Variants in FOXJ3 observed in about 807,000 individuals in gnomAD.
FOXJ3 encodes forkhead box J3, also known as forkhead box protein J3.
FOXJ3 carries 22 observed loss-of-function variants against 76.1 expected under a neutral mutation model. The observed-to-expected ratio is 0.29, with a 90% confidence interval of 0.21 to 0.41. FOXJ3 has a LOEUF of 0.41. Among genes scored for constraint, FOXJ3 ranks in the 10% least tolerant of loss-of-function variants. FOXJ3 has a pLI of 1.00. For missense variants in FOXJ3, 613 were observed against 762.1 expected, an observed-to-expected ratio of 0.80 and a Z score of 2.30; for synonymous variants, 269 against 261.2, an observed-to-expected ratio of 1.03 and a Z score of -0.29.
chr1:42,260,692 A>T (rs1336293846), intron 4 of FOXJ3, among the ~76,000 whole-genome samples: 1 of 152,212 alleles, frequency 6.6e-6, no homozygotes, highest in Non-Finnish European at 1.5e-5. Context: ...AGAAAAAAAA[A>T]TCACAATCCT....
chr1:42,242,510 C>T (rs1173831360), intron 4 of FOXJ3, among the ~76,000 whole-genome samples: 2 of 147,690 alleles, frequency 1.4e-5, no homozygotes, highest in African/African-American at 5.0e-5. Flanking sequence ...CTAGATCAAG[C>T]AGAAAGAAGA....
At chr1:42,195,181 T>G in intron 7 of FOXJ3, 117 bp from the exon 8 acceptor site, 1 of 740,986 alleles carries the variant, frequency 1.3e-6, no homozygotes, top group Non-Finnish European at 2.1e-6. Context: ...AAATAACTCT[T>G]CTGTCTTAGG....
chr1:42,289,696 C>T (rs1006865501), intron 2 of FOXJ3, among the ~76,000 whole-genome samples: 2 of 152,122 alleles, frequency 1.3e-5, no homozygotes, highest in African/African-American at 4.8e-5. Context: ...TTCTCTGATA[C>T]GCAATCTGAC....
At chr1:42,335,338 G>C (rs973596050), upstream of FOXJ3, 2 of 152,150 alleles carry the variant, frequency 1.3e-5, no homozygotes, top group Admixed American at 6.5e-5. Context: ...CGCGGTCACG[G>C]TCGCTTCGAC....
At chr1:42,180,055 G>C (rs1306272047) in intron 12 of FOXJ3, among the ~76,000 whole-genome samples, 2 of 151,954 alleles carry the variant, frequency 1.3e-5, no homozygotes, top group South Asian at 2.1e-4. Context: ...ACAAAGATAG[G>C]ATCTGAGGTC....
At chr1:42,311,131 A>T in intron 1 of FOXJ3, 21 bp from the exon 2 acceptor site, 3 of 1,525,554 alleles carry the variant, frequency 2.0e-6, no homozygotes, top group Non-Finnish European at 2.7e-6. Context: ...AAGAAGAGTT[A>T]GTTATCAGAT....
intron 3 of FOXJ3, among the ~76,000 whole-genome samples, chr1:42,271,487 T>C (rs1651862056): frequency 6.6e-6 from 1 of 152,132 alleles, no homozygotes; most frequent in Admixed American, 6.5e-5. Context: ...TTCACAACAA[T>C]GACCAAACAC....
At chr1:42,204,441 T>C (rs1273441124) in intron 6 of FOXJ3, among the ~76,000 whole-genome samples, 1 of 152,142 alleles carries the variant, frequency 6.6e-6, no homozygotes, top group Non-Finnish European at 1.5e-5. Context: ...GGTCATAAAG[T>C]CCCATCATTA....
chr1:42,188,632 C>G (rs374350454), intron 11 of FOXJ3, 105 bp downstream of exon 11: 22 of 622,000 alleles, frequency 3.5e-5, no homozygotes, highest in African/African-American at 2.4e-4. Flanking sequence ...AATTTGTAAA[C>G]AGATCACTGT....
chr1:42,221,329 G>A (rs1647182007), intron 5 of FOXJ3, among the ~76,000 whole-genome samples: 1 of 152,136 alleles, frequency 6.6e-6, no homozygotes, highest in Non-Finnish European at 1.5e-5. Flanking sequence ...AATAACATTA[G>A]AAAATAGCCA....
chr1:42,255,214 C>T (rs1212603047), intron 4 of FOXJ3, among the ~76,000 whole-genome samples: 1 of 151,962 alleles, frequency 6.6e-6, no homozygotes, highest in Non-Finnish European at 1.5e-5. Flanking sequence ...ACTGTTGTAA[C>T]GTTAATACAT....
chr1:42,319,540 G>C (rs986002383), intron 1 of FOXJ3, among the ~76,000 whole-genome samples: 2 of 152,164 alleles, frequency 1.3e-5, no homozygotes, highest in Admixed American at 6.5e-5. Context: ...TATTAGGTAT[G>C]GAGTTTCTTT....
At chr1:42,231,557 A>G (rs1411451827) in intron 4 of FOXJ3, among the ~76,000 whole-genome samples, 3 of 152,218 alleles carry the variant, frequency 2.0e-5, no homozygotes, top group African/African-American at 7.2e-5. Context: ...GATGGTAATG[A>G]TAACTGCACA....
At chr1:42,217,918 G>C (rs1254342481) in intron 5 of FOXJ3, among the ~76,000 whole-genome samples, 1 of 152,088 alleles carries the variant, frequency 6.6e-6, no homozygotes, top group East Asian at 1.9e-4. Context: ...TCATCACAAT[G>C]ATCTCTTATG....
In FOXJ3 at chr1:42,227,959, T is replaced by C. The variant is rs1430868820; in HGVS notation, c.452A>G (p.Tyr151Cys). The change falls in exon 5 of 13, where the codon TAC (tyrosine) becomes TGC (cysteine). Residue 151 changes from tyrosine to cysteine, a missense_variant. Physicochemically the swap from Tyr to Cys is radical, Grantham distance 194 (BLOSUM62 -2). Around this residue, in one of 3 missense-constraint regions of FOXJ3, gnomAD observed 526 missense variants for 601.4 expected, o/e 0.87. Transcript: ENST00000361346. The part of the protein sequence containing the change: ...RSKDDPGKGS[Y>C]WAIDTNPKED... Reference sequence around the variant, plus strand: ...CTTCGGATTGGTGTCTATTGCCCAGTAGGACCCCTAGAGGTAAAGAAATTA... The same window carrying C: ...CTTCGGATTGGTGTCTATTGCCCAGCAGGACCCCTAGAGGTAAAGAAATTA... The C allele has an allele frequency of 1.3e-6, 2 of 1,541,838 alleles. No homozygotes were observed. Among genetic ancestry groups the C allele is most frequent in the East Asian group, 2.3e-5 (1 of 44,062 alleles).
chr1:42,217,231 T>C (rs1165340796), intron 5 of FOXJ3, among the ~76,000 whole-genome samples: 1 of 152,192 alleles, frequency 6.6e-6, no homozygotes, highest in Admixed American at 6.5e-5. Context: ...AAAATGGATT[T>C]AAAAATACTC....
At chr1:42,311,794 G>T (rs976040916) in intron 1 of FOXJ3, among the ~76,000 whole-genome samples, 3 of 152,090 alleles carry the variant, frequency 2.0e-5, no homozygotes, top group African/African-American at 7.2e-5. Flanking sequence ...ATGAACCTCA[G>T]TTTCTTCATC....
intron 4 of FOXJ3, among the ~76,000 whole-genome samples, chr1:42,228,943 C>T (rs1437582671): frequency 6.6e-6 from 1 of 152,104 alleles, no homozygotes; most frequent in African/African-American, 2.4e-5. Context: ...TCTTCCTAGG[C>T]CGTTTTTTAA....
intron 4 of FOXJ3, among the ~76,000 whole-genome samples, chr1:42,263,906 A>AAAG (rs1171982768): frequency 6.6e-6 from 1 of 151,788 alleles, no homozygotes; most frequent in Non-Finnish European, 1.5e-5. Context: ...AGCTTGAAAA[A>AAAG]AAGAGACCAT....
Sources: allele counts gnomAD v4.1 joint callset (sites outside exome capture counted in the v4.1 genomes callset), GRCh38; gene constraint gnomAD v4.1.1; regional missense constraint gnomAD v4.1.1; transcripts MANE v1.5; gene names NCBI Gene and HGNC (gene_info 2026-07-23, HGNC 2026-07-21).